Variants in TRIM36 observed in about 807,000 individuals in gnomAD.
TRIM36 encodes the protein E3 ubiquitin-protein ligase TRIM36.
A neutral mutation model predicts 72.4 loss-of-function variants in TRIM36; 42 were observed. The ratio of observed to expected loss-of-function variants is 0.58; its 90% confidence interval spans 0.45 to 0.75. TRIM36 has a LOEUF of 0.75. Ranked by LOEUF, TRIM36 falls within the 30% of genes least tolerant of loss-of-function variation. TRIM36 has a pLI of 0.00. For synonymous variants in TRIM36, 315 were observed against 282.8 expected (o/e 1.11, Z -1.14); for missense variants, 913 against 857.1 (o/e 1.07, Z -0.81).
chr5:115,179,866 C>T (rs1755534621), intron 1 of TRIM36: 1 of 1,084,710 alleles, frequency 9.2e-7, no homozygotes, highest in South Asian at 1.5e-5. Context: ...TGGATTCCAG[C>T]CTCCCGCCCT....
Position 115,126,490 on chromosome 5 carries a change from T to G in TRIM36, c.*13A>C. The G allele has an allele frequency of 6.3e-7, 1 of 1,595,146 alleles. No homozygotes were observed. Among genetic ancestry groups the G allele is most frequent in the Non-Finnish European group, 8.6e-7 (1 of 1,165,532 alleles). On this transcript the variant is annotated 3_prime_UTR_variant, in exon 10 of 10. Coordinates refer to ENST00000513154, the MANE Select transcript of TRIM36 (RefSeq NM_001300759.2). ...TTTACAGTTTTTATCCTGAGTCACA[T>G]CAGATGTTTCAACTACATGTCCTCT... is the stretch of plus-strand genomic sequence containing the variant.
chr5:115,157,018 T>A (rs569194890), intron 2 of TRIM36, among the ~76,000 whole-genome samples: 17 of 152,142 alleles, frequency 1.1e-4, no homozygotes, highest in African/African-American at 4.1e-4. Context: ...GAATAGACAA[T>A]TCTCAAAAGA....
At chr5:115,154,512 T>A (rs983827183) in intron 2 of TRIM36, among the ~76,000 whole-genome samples, 2 of 152,140 alleles carry the variant, frequency 1.3e-5, no homozygotes, top group Non-Finnish European at 2.9e-5. Flanking sequence ...ATACTACAAC[T>A]GACACCACAG....
intron 2 of TRIM36, chr5:115,159,604 T>C (rs1438282409): frequency 2.2e-6 from 1 of 451,588 alleles, no homozygotes; most frequent in Admixed American, 2.4e-5. Flanking sequence ...TAACACTATA[T>C]TGCCTGCGGC....
intron 1 of TRIM36, chr5:115,177,594 A>G (rs974879168): frequency 1.4e-6 from 2 of 1,459,542 alleles, no homozygotes; most frequent in East Asian, 2.4e-5. Flanking sequence ...CACACAAAAC[A>G]GGGGTCTTAA....
chr5:115,142,025 T>C (rs1218622919), intron 4 of TRIM36, among the ~76,000 whole-genome samples: 2 of 152,156 alleles, frequency 1.3e-5, no homozygotes, highest in South Asian at 2.1e-4. Flanking sequence ...CCAGAAAACC[T>C]ACTCTGAAAT....
chr5:115,139,592 A>G (rs1753164484), intron 5 of TRIM36, among the ~76,000 whole-genome samples: 1 of 152,248 alleles, frequency 6.6e-6, no homozygotes, highest in South Asian at 2.1e-4. Context: ...ACATTTTGAT[A>G]GTATTTCACT....
At chr5:115,135,562 C>T (rs988834036) in intron 7 of TRIM36, among the ~76,000 whole-genome samples, 3 of 152,006 alleles carry the variant, frequency 2.0e-5, no homozygotes, top group African/African-American at 7.3e-5. Context: ...CATTCTCATC[C>T]ACCTGTTTTA....
At position 115,145,060 on chromosome 5, in the gene TRIM36, G is replaced by C. The variant is rs114059591; in HGVS notation, c.589-316C>G. 1.6e-3 allele frequency among the ~76,000 whole-genome samples: 251 copies of C among 152,158 alleles called. 2 individuals are homozygous for C. The highest frequency in any genetic ancestry group is 5.8e-3 in the African/African-American group (241 of 41,496). On this transcript the variant is annotated intron_variant, in intron 3 of 9. Transcript: ENST00000513154. Reference sequence around the variant, plus strand: ...TTAAGTTAGAGTTTCATTCCTATCAGATTCAAATGGAATGAACACTTAACC... The same window carrying C: ...TTAAGTTAGAGTTTCATTCCTATCACATTCAAATGGAATGAACACTTAACC...
intron 2 of TRIM36, among the ~76,000 whole-genome samples, chr5:115,154,906 G>T (rs1186810147): frequency 6.6e-6 from 1 of 152,032 alleles, no homozygotes; most frequent in African/African-American, 2.4e-5. Context: ...CAGGCTGGGC[G>T]TGGTGGCTCA....
At position 115,126,107 on chromosome 5, in the gene TRIM36, CT is replaced by C. The variant is rs558947392; in HGVS notation, c.*395del. 615 of 170,302 alleles carry C rather than the reference CT, an allele frequency of 3.6e-3. 2 individuals are homozygous for C. The highest frequency in any genetic ancestry group is 0.014 in the African/African-American group (567 of 41,926). 10.5% of individuals were successfully genotyped at this position (170,302 alleles called of 1,614,324 possible). On this transcript the variant is annotated 3_prime_UTR_variant, in exon 10 of 10. Transcript: ENST00000513154. ...ATAAGGCATTTAAAAAATATCTTCTCTTAGGACATAAACATGATATAAAAAT... is the reference window on the plus strand; with the variant it reads ...ATAAGGCATTTAAAAAATATCTTCTCTAGGACATAAACATGATATAAAAAT...
intron 3 of TRIM36, among the ~76,000 whole-genome samples, chr5:115,146,724 A>G (rs1034796002): frequency 1.3e-5 from 2 of 152,232 alleles, no homozygotes; most frequent in South Asian, 2.1e-4. Flanking sequence ...TTATGACACT[A>G]AAGCACAAAA....
rs775619067 is a variant in TRIM36 at position 115,177,911 on chromosome 5, A to G, written c.63+2064T>C. 1.2e-5 allele frequency: 19 copies of G among 1,601,198 alleles called. 1 individual carries two copies. In the South Asian group the frequency reaches 2.0e-4, roughly 17 times the overall value. On this transcript the variant is annotated intron_variant, in intron 1 of 9. Transcript: ENST00000282369. ...AGACAGAGAGAGAGAGAGCAGAGAA[A>G]TCCAGTAAATGAAGCCAGAAAGTTA...
upstream of TRIM36, among the ~76,000 whole-genome samples, chr5:115,170,754 G>T (rs1232087643): frequency 6.6e-6 from 1 of 152,190 alleles, no homozygotes; most frequent in Non-Finnish European, 1.5e-5. Flanking sequence ...AAAAGGCCGC[G>T]GCAAGGGAGA....
intron 8 of TRIM36, among the ~76,000 whole-genome samples, chr5:115,133,238 C>G (rs1310786871): frequency 6.6e-6 from 1 of 152,150 alleles, no homozygotes; most frequent in Non-Finnish European, 1.5e-5. Context: ...ATCAACGAAC[C>G]TTTAAAGTCA....
upstream of TRIM36, among the ~76,000 whole-genome samples, chr5:115,170,182 G>A (rs1755034599): frequency 6.8e-6 from 1 of 146,274 alleles, no homozygotes; most frequent in Admixed American, 6.8e-5. Context: ...CCCTATGCCA[G>A]GCTGGGGGGC....
At chr5:115,164,611 C>G (rs1754663323) in intron 1 of TRIM36, among the ~76,000 whole-genome samples, 1 of 152,160 alleles carries the variant, frequency 6.6e-6, no homozygotes, top group Admixed American at 6.5e-5. Context: ...AAAATCTACC[C>G]CTGTGATTCA....
At chr5:115,170,456 G>C (rs901081594), upstream of TRIM36, among the ~76,000 whole-genome samples, 5 of 152,290 alleles carry the variant, frequency 3.3e-5, no homozygotes, top group South Asian at 2.1e-4. Context: ...CGGCGAGCAC[G>C]GCAGAGCTGC....
At chr5:115,173,580 G>C (rs1245190824), upstream of TRIM36, among the ~76,000 whole-genome samples, 2 of 152,094 alleles carry the variant, frequency 1.3e-5, no homozygotes, top group Admixed American at 6.6e-5. Flanking sequence ...GAGTTAGAGG[G>C]TGGTAAACCT....
Sources: allele counts gnomAD v4.1 joint callset (sites outside exome capture counted in the v4.1 genomes callset), GRCh38; gene constraint gnomAD v4.1.1; transcripts MANE v1.5; gene names NCBI Gene and HGNC (gene_info 2026-07-23, HGNC 2026-07-21).